The following MAD1L1 variants were observed in gnomAD, a reference collection of about 807,000 sequenced individuals.
The protein encoded by MAD1L1 is mitotic arrest deficient 1 like 1, also known as mitotic spindle assembly checkpoint protein MAD1.
A neutral mutation model predicts 96.9 loss-of-function variants in MAD1L1; 95 were observed. That is an observed-to-expected ratio of 0.98 (90% CI 0.83 to 1.16). MAD1L1 has a LOEUF of 1.16. MAD1L1 is among the 50% of genes most tolerant of loss of function. The probability of loss-of-function intolerance (pLI) is 0.00; values close to 1 mark genes in which losing one functional copy is unlikely to be tolerated. For synonymous variants in MAD1L1, 473 were observed against 396.6 expected (o/e 1.19, Z -2.29); for missense variants, 1,007 against 954.4 (o/e 1.06, Z -0.73).
Position 1,936,813 on chromosome 7 carries a change from G to T in MAD1L1, c.1681C>A (p.His561Asn), listed in dbSNP as rs746414715. 5 of 1,599,360 alleles carry T rather than the reference G, an allele frequency of 3.1e-6. No individual in the cohort carries two copies. The highest frequency in any genetic ancestry group is 2.3e-5 in the East Asian group (1 of 44,194). The change falls in exon 17 of 19, where the codon CAC becomes AAC. Residue 561 changes from histidine (H) to asparagine (N), a missense_variant. Transcript: ENST00000265854. ...TCGCACTCCGCCTGCAGCTGGCTGT[G>T]GTCCTCGCGCAGGCGCTGCCTGGCC... ...SVARQRLREDHSQLQAECERL... is the reference protein window; with the variant it reads ...SVARQRLREDNSQLQAECERL...
At chr7:2,120,899 G>A (rs1259737318) in intron 11 of MAD1L1, among the ~76,000 whole-genome samples, 3 of 152,164 alleles carry the variant, frequency 2.0e-5, no homozygotes, top group South Asian at 2.1e-4. Context: ...CCTCCAGGGC[G>A]GGGCGAGGAA....
intron 17 of MAD1L1, among the ~76,000 whole-genome samples, chr7:1,928,713 G>A (rs909657327): frequency 1.3e-5 from 2 of 152,232 alleles, no homozygotes; most frequent in Non-Finnish European, 2.9e-5. Context: ...AAACAGAGGC[G>A]TGGGCAGGTG....
chr7:2,095,535 T>C (rs3800897), intron 11 of MAD1L1, among the ~76,000 whole-genome samples: 12,429 of 152,254 alleles, frequency 0.082, 848 homozygotes, highest in East Asian at 0.35. Flanking sequence ...CCGCGGTCGC[T>C]GTTAAAGAGA....
At chr7:1,858,973 C>T (rs1049567772) in intron 18 of MAD1L1, among the ~76,000 whole-genome samples, 1 of 152,248 alleles carries the variant, frequency 6.6e-6, no homozygotes, top group African/African-American at 2.4e-5. Context: ...AAAGGCCACC[C>T]AGACACAGCT....
At chr7:2,192,130 T>G (rs1387124540) in intron 10 of MAD1L1, among the ~76,000 whole-genome samples, 4 of 151,410 alleles carry the variant, frequency 2.6e-5, no homozygotes, top group Admixed American at 6.6e-5. Flanking sequence ...GGGTTTTTTG[T>G]TTTTTTTGTT....
At chr7:2,138,498 G>A (rs1788866308) in intron 11 of MAD1L1, among the ~76,000 whole-genome samples, 1 of 152,212 alleles carries the variant, frequency 6.6e-6, no homozygotes, top group African/African-American at 2.4e-5. Context: ...CTGACAAAAC[G>A]GAAGGAACCA....
chr7:2,189,421 A>G (rs934574373), intron 10 of MAD1L1, among the ~76,000 whole-genome samples: 1 of 152,276 alleles, frequency 6.6e-6, no homozygotes, highest in African/African-American at 2.4e-5. Context: ...CTGGATAAGA[A>G]GAACGGATCG....
intron 16 of MAD1L1, among the ~76,000 whole-genome samples, chr7:1,952,173 C>T (rs1275987954): frequency 6.6e-6 from 1 of 152,238 alleles, no homozygotes; most frequent in Non-Finnish European, 1.5e-5. Context: ...CACCTTCAGC[C>T]CTTGTGGGCA....
intron 18 of MAD1L1, chr7:1,847,153 G>A (rs572795009): frequency 9.5e-5 from 38 of 400,194 alleles, no homozygotes; most frequent in East Asian, 4.4e-4. Context: ...TGACTTTCCC[G>A]TCTGTCCTGG....
At chr7:2,230,811 C>G (rs1794156050) in intron 1 of MAD1L1, 84 bp from the exon 2 acceptor site, 1 of 152,510 alleles carries the variant, frequency 6.6e-6, no homozygotes, top group South Asian at 2.1e-4. Context: ...TTTGTCCTCT[C>G]CAGGCCCCCA....
At chr7:1,894,165 T>C (rs942428241) in intron 18 of MAD1L1, among the ~76,000 whole-genome samples, 6 of 152,206 alleles carry the variant, frequency 3.9e-5, no homozygotes, top group Admixed American at 1.3e-4. Flanking sequence ...GCAGGACTGA[T>C]GCTGATCTCC....
At chr7:1,820,022 G>A (rs1479434027) in intron 18 of MAD1L1, among the ~76,000 whole-genome samples, 1 of 152,122 alleles carries the variant, frequency 6.6e-6, no homozygotes, top group Non-Finnish European at 1.5e-5. Flanking sequence ...TGGAAACGAT[G>A]CTACTTCGAG....
At chr7:2,159,220 CG>C (rs778467667) in intron 10 of MAD1L1, among the ~76,000 whole-genome samples, 8 of 152,252 alleles carry the variant, frequency 5.3e-5, no homozygotes, top group Non-Finnish European at 7.3e-5. Flanking sequence ...CACTTTCCTA[CG>C]GGGATGTGGG....
intron 10 of MAD1L1, among the ~76,000 whole-genome samples, chr7:2,160,125 G>A (rs1465792697): frequency 1.3e-5 from 2 of 151,962 alleles, no homozygotes; most frequent in Non-Finnish European, 2.9e-5. Flanking sequence ...CAGCTACTCA[G>A]GATGCTGAGG....
intron 12 of MAD1L1, among the ~76,000 whole-genome samples, chr7:2,027,720 T>C (rs1375167449): frequency 1.3e-5 from 2 of 152,236 alleles, no homozygotes; most frequent in African/African-American, 4.8e-5. Flanking sequence ...GGGAGAACTT[T>C]AATCTGAAAA....
chr7:2,140,364 G>C (rs1167443480), intron 11 of MAD1L1, among the ~76,000 whole-genome samples: 1 of 152,210 alleles, frequency 6.6e-6, no homozygotes, highest in Non-Finnish European at 1.5e-5. Context: ...AGGGTGAAGG[G>C]TGCCGGTGCC....
At chr7:1,921,670 C>G (rs1414560655) in intron 17 of MAD1L1, among the ~76,000 whole-genome samples, 1 of 151,798 alleles carries the variant, frequency 6.6e-6, no homozygotes, top group African/African-American at 2.4e-5. Flanking sequence ...GTAAGAAAAC[C>G]TTTAAGTCAA....
At chr7:1,916,159 G>A (rs1310759026) in intron 17 of MAD1L1, among the ~76,000 whole-genome samples, 1 of 152,194 alleles carries the variant, frequency 6.6e-6, no homozygotes, top group East Asian at 1.9e-4. Flanking sequence ...CCGGGAGGGT[G>A]TGGGGCCCCT....
In MAD1L1 at chr7:2,111,913, T is replaced by C. The variant is rs867478489; in HGVS notation, c.1073+37239A>G. Among the ~76,000 whole-genome samples, 8 of 152,222 alleles carry C rather than the reference T, an allele frequency of 5.3e-5. No homozygotes were observed. The South Asian group carries it at 6.2e-4, about 12-fold the overall frequency. ...GATCCAGCAGTCCCACTCCTAAGTATGTGCTCAAGGAAAAGTAAGAGTTTA... is the reference window on the plus strand; with the variant it reads ...GATCCAGCAGTCCCACTCCTAAGTACGTGCTCAAGGAAAAGTAAGAGTTTA... On this transcript the variant is annotated intron_variant, in intron 11 of 18. Transcript: ENST00000265854.
Sources: allele counts gnomAD v4.1 joint callset (sites outside exome capture counted in the v4.1 genomes callset), GRCh38; gene constraint gnomAD v4.1.1; transcripts MANE v1.5; gene names NCBI Gene and HGNC (gene_info 2026-07-23, HGNC 2026-07-21).